The following CATSPERE variants were observed in gnomAD, a reference collection of about 807,000 sequenced individuals.
CATSPERE encodes catsper channel auxiliary subunit epsilon, also known as cation channel sperm-associated auxiliary subunit epsilon.
Under a neutral mutation model 114.1 loss-of-function variants are expected in CATSPERE, and 93 were observed. The observed-to-expected ratio is 0.81, with a 90% CI of 0.69 to 0.97. CATSPERE has a LOEUF of 0.97. Ranked by LOEUF, CATSPERE falls within the 50% of genes least tolerant of loss-of-function variation. CATSPERE has a pLI of 0.00. For synonymous variants in CATSPERE, 341 were observed against 384.1 expected (o/e 0.89, Z 1.31); for missense variants, 1,058 against 1,131.6 (o/e 0.93, Z 0.93).
chr1:244,534,319 G>T (rs1680046128), intron 8 of CATSPERE, among the ~76,000 whole-genome samples: 1 of 152,050 alleles, frequency 6.6e-6, no homozygotes, highest in Non-Finnish European at 1.5e-5. Context: ...GGTTTTGGAA[G>T]TTCTCTGTTA....
chr1:244,587,348 G>C (rs1374792660), intron 13 of CATSPERE, among the ~76,000 whole-genome samples: 4 of 152,236 alleles, frequency 2.6e-5, no homozygotes, highest in African/African-American at 9.6e-5. Context: ...TATTGCATCA[G>C]ATTCTAATGG....
upstream of CATSPERE, among the ~76,000 whole-genome samples, chr1:244,456,333 C>T (rs1290661655): frequency 6.6e-6 from 1 of 151,900 alleles, no homozygotes; most frequent in Non-Finnish European, 1.5e-5. Context: ...CCCTGTTCCT[C>T]CAGGGGCTCC....
chr1:244,536,988 G>A (rs1294572996), intron 8 of CATSPERE, among the ~76,000 whole-genome samples: 2 of 151,442 alleles, frequency 1.3e-5, no homozygotes, highest in African/African-American at 4.9e-5. Context: ...TATGTCATCT[G>A]CAAACAAAAA....
At chr1:244,563,147 G>T (rs1294266646) in intron 10 of CATSPERE, among the ~76,000 whole-genome samples, 2 of 152,142 alleles carry the variant, frequency 1.3e-5, no homozygotes, top group Non-Finnish European at 2.9e-5. Context: ...ATGGGCATTT[G>T]GGTTGGTATC....
At chr1:244,545,950 G>A (rs997890335) in intron 8 of CATSPERE, among the ~76,000 whole-genome samples, 5 of 152,214 alleles carry the variant, frequency 3.3e-5, no homozygotes, top group Admixed American at 3.3e-4. Context: ...AGGAAAAGAA[G>A]ATTTGGGCCT....
chr1:244,574,948 T>C (rs1028495813), intron 11 of CATSPERE, among the ~76,000 whole-genome samples: 1 of 152,352 alleles, frequency 6.6e-6, no homozygotes, highest in Admixed American at 6.5e-5. Context: ...CTTTTTACAC[T>C]TTTTCTTCCT....
rs562812816 is a variant in CATSPERE at position 244,488,646 on chromosome 1, T to G, written c.327-1801T>G. Among the ~76,000 whole-genome samples the G allele has an allele frequency of 4.6e-5, 7 of 152,352 alleles. No individual in the cohort carries two copies. In the South Asian group the frequency reaches 1.2e-3, roughly 27 times the overall value. Reference sequence around the variant, plus strand: ...CTTTCTTTTATTATCGACAAGTATTTCCTTTTGCCTTCAAATTTTCCTTCC... The same window carrying G: ...CTTTCTTTTATTATCGACAAGTATTGCCTTTTGCCTTCAAATTTTCCTTCC... On this transcript the variant is annotated intron_variant, in intron 5 of 21. Transcript: ENST00000366534.
chr1:244,580,523 T>C (rs767391764), intron 11 of CATSPERE, among the ~76,000 whole-genome samples: 4 of 152,092 alleles, frequency 2.6e-5, no homozygotes, highest in Admixed American at 6.5e-5. Flanking sequence ...AACACCCACA[T>C]AGAAAAGTAA....
rs145403464 is a variant in CATSPERE at position 244,552,786 on chromosome 1, A to G, written c.1001A>G (p.Lys334Arg). The change falls in exon 9 of 22, where the codon AAA (lysine) becomes AGA (arginine). Residue 334 changes from lysine (K) to arginine (R), a missense_variant. Lys to Arg is a conservative substitution (Grantham distance 26). Transcript: ENST00000366534. Reference protein sequence around the residue: ...DGGITGISSRKWCWVNYLLKA... With the variant: ...DGGITGISSRRWCWVNYLLKA... ...GGAATTACTGGCATTTCATCAAGAA[A>G]ATGGTGTTGGGTCAATTATTTATTA... 2.0e-5 allele frequency: 32 copies of G among 1,606,728 alleles called. No individual in the cohort carries two copies. The African/African-American group carries it at 4.0e-4, about 20-fold the overall frequency.
At chr1:244,472,802 C>T (rs1460038722) in intron 2 of CATSPERE, among the ~76,000 whole-genome samples, 1 of 152,182 alleles carries the variant, frequency 6.6e-6, no homozygotes, top group Non-Finnish European at 1.5e-5. Flanking sequence ...CTCCCCAGCC[C>T]CTTACAACAC....
intron 10 of CATSPERE, among the ~76,000 whole-genome samples, chr1:244,562,332 GTAGA>G (rs1177243592): frequency 6.6e-6 from 1 of 152,114 alleles, no homozygotes; most frequent in Non-Finnish European, 1.5e-5. Context: ...TAATAGGGGT[GTAGA>G]TAGATATTTA....
At chr1:244,587,749 G>C (rs964888241) in intron 13 of CATSPERE, among the ~76,000 whole-genome samples, 18 of 152,212 alleles carry the variant, frequency 1.2e-4, no homozygotes, top group African/African-American at 4.1e-4. Flanking sequence ...TATTTCACGT[G>C]ATGCTCAGTA....
chr1:244,467,294 T>C (rs1199945416), intron 2 of CATSPERE, among the ~76,000 whole-genome samples: 2 of 152,154 alleles, frequency 1.3e-5, no homozygotes. Flanking sequence ...TTTAAATTTT[T>C]CTAAAGTATA....
intron 8 of CATSPERE, among the ~76,000 whole-genome samples, chr1:244,529,809 A>G (rs1278540232): frequency 6.6e-6 from 1 of 151,988 alleles, no homozygotes; most frequent in African/African-American, 2.4e-5. Flanking sequence ...TGTTCTGGAG[A>G]GTTTCCTAAA....
Position 244,560,632 on chromosome 1 carries a change from C to T in CATSPERE, c.1030-36C>T, listed in dbSNP as rs750185378. ...AAATTGTTAGGCCCGTCTCTAAAAT[C>T]GAAGATCTTTCTCATCATTTTTCAT... On this transcript the variant is annotated intron_variant, in intron 9 of 21. Transcript: ENST00000366534. 3.3e-5 allele frequency: 41 copies of T among 1,234,054 alleles called. 1 individual carries two copies. The highest frequency in any genetic ancestry group is 2.1e-4 in the Middle Eastern group (1 of 4,872). 76.4% of individuals were successfully genotyped at this position (1,234,054 alleles called of 1,614,324 possible). A position where few individuals can be genotyped will look rare whatever the true frequency, so the allele number is the denominator to read the frequency against.
At chr1:244,548,615 A>T (rs1339268003) in intron 8 of CATSPERE, among the ~76,000 whole-genome samples, 1 of 152,200 alleles carries the variant, frequency 6.6e-6, no homozygotes, top group Non-Finnish European at 1.5e-5. Flanking sequence ...TTCACAAAGC[A>T]TTTCTTTTCA....
At chr1:244,617,089 T>C (rs759757374) in intron 19 of CATSPERE, among the ~76,000 whole-genome samples, 34 of 152,186 alleles carry the variant, frequency 2.2e-4, no homozygotes, top group African/African-American at 8.0e-4. Context: ...AGGCAGGAGA[T>C]AGTTTGTATC....
intron 1 of CATSPERE, among the ~76,000 whole-genome samples, chr1:244,456,233 A>G (rs2148041615): frequency 1.3e-5 from 2 of 152,260 alleles, no homozygotes; most frequent in South Asian, 4.1e-4. Context: ...CTTGGGATCC[A>G]GGATCCAGTG....
intron 8 of CATSPERE, 90 bp downstream of exon 8, chr1:244,518,788 A>T (rs1217057902): frequency 4.5e-6 from 3 of 660,286 alleles, no homozygotes; most frequent in Non-Finnish European, 7.4e-6. Context: ...AATGTGTCTT[A>T]TATGTTATTT....
Sources: allele counts gnomAD v4.1 joint callset (sites outside exome capture counted in the v4.1 genomes callset), GRCh38; gene constraint gnomAD v4.1.1; transcripts MANE v1.5; gene names NCBI Gene and HGNC (gene_info 2026-07-23, HGNC 2026-07-21).